STPG2: variants seen among roughly 807,000 people sequenced by gnomAD.
STPG2 encodes sperm-tail PG-rich repeat-containing protein 2.
Under a neutral mutation model 54.2 loss-of-function variants are expected in STPG2, and 56 were observed. The observed-to-expected ratio is 1.03, with a 90% CI of 0.83 to 1.29. STPG2 has a LOEUF of 1.29. Among genes scored for constraint, STPG2 ranks in the 50% most tolerant of loss-of-function variants. The probability of loss-of-function intolerance (pLI) is 0.00; values close to 1 mark genes in which losing one functional copy is unlikely to be tolerated. For synonymous variants in STPG2, 200 were observed against 181.8 expected, an observed-to-expected ratio of 1.10 and a Z score of -0.81; for missense variants, 596 against 544.9, an observed-to-expected ratio of 1.09 and a Z score of -0.93.
At chr4:97,574,100 A>C (rs1732663163) in intron 10 of STPG2, among the ~76,000 whole-genome samples, 1 of 152,134 alleles carries the variant, frequency 6.6e-6, no homozygotes, top group South Asian at 2.1e-4. Context: ...GATAGTTTTG[A>C]GGGGACTTTA....
chr4:97,759,710 A>C (rs1213620337), intron 9 of STPG2, among the ~76,000 whole-genome samples: 1 of 152,182 alleles, frequency 6.6e-6, no homozygotes, highest in Non-Finnish European at 1.5e-5. Flanking sequence ...AAAATATTTA[A>C]GGTGGCCAGC....
At chr4:97,585,589 T>C (rs1732977032) in intron 10 of STPG2, among the ~76,000 whole-genome samples, 1 of 151,968 alleles carries the variant, frequency 6.6e-6, no homozygotes, top group Admixed American at 6.6e-5. Flanking sequence ...TTTCTAGATC[T>C]TTCAGACAGC....
chr4:97,453,802 C>A (rs560969056), intron 4 of STPG2, among the ~76,000 whole-genome samples: 1 of 152,230 alleles, frequency 6.6e-6, no homozygotes, highest in South Asian at 2.1e-4. Context: ...CCTGGCACCA[C>A]GCTCAGCACA....
intron 8 of STPG2, among the ~76,000 whole-genome samples, chr4:97,850,928 T>C (rs1038584478): frequency 1.2e-4 from 18 of 152,186 alleles, no homozygotes; most frequent in Non-Finnish European, 1.8e-4. Context: ...TTTGAGGTCA[T>C]TACAACTGTA....
chr4:97,776,377 G>A (rs915923945), intron 9 of STPG2, among the ~76,000 whole-genome samples: 5 of 152,170 alleles, frequency 3.3e-5, no homozygotes, highest in Admixed American at 3.3e-4. Flanking sequence ...AATTCTGGAA[G>A]TCTGGTTCCA....
At chr4:98,016,367 C>A (rs1735946224) in intron 5 of STPG2, among the ~76,000 whole-genome samples, 1 of 152,110 alleles carries the variant, frequency 6.6e-6, no homozygotes, top group Admixed American at 6.6e-5. Flanking sequence ...CTGTCCCATT[C>A]TTTTTCTATG....
At position 97,666,848 on chromosome 4, in the gene STPG2, C is replaced by A. The variant is rs370730617; in HGVS notation, c.1320+45851G>T. 2.6e-4 allele frequency among the ~76,000 whole-genome samples: 40 copies of A among 152,240 alleles called. No individual in the cohort carries two copies. The South Asian group carries it at 8.1e-3, about 31-fold the overall frequency. On this transcript the variant is annotated intron_variant, in intron 10 of 10. Transcript: ENST00000295268. Reference sequence around the variant, plus strand: ...ACTCAAGACTATTTGATTCCAAAGACCTGAACTATGTCAGCTCATTTCATC... The same window carrying A: ...ACTCAAGACTATTTGATTCCAAAGAACTGAACTATGTCAGCTCATTTCATC...
chr4:97,572,248 A>C (rs566134404), intron 10 of STPG2, among the ~76,000 whole-genome samples: 21 of 152,310 alleles, frequency 1.4e-4, no homozygotes, highest in Admixed American at 1.1e-3. Context: ...GTATCATGTA[A>C]GAAATACCTG....
chr4:97,736,704 G>A (rs1034546994), intron 9 of STPG2, among the ~76,000 whole-genome samples: 7 of 152,208 alleles, frequency 4.6e-5, no homozygotes, highest in South Asian at 2.1e-4. Flanking sequence ...CAAAGGAGCC[G>A]GGAAGCTCGA....
At chr4:98,017,468 T>A (rs1270844627) in intron 5 of STPG2, among the ~76,000 whole-genome samples, 2 of 152,170 alleles carry the variant, frequency 1.3e-5, no homozygotes, top group African/African-American at 2.4e-5. Context: ...AGGTCCTTAC[T>A]TCATCTTCCT....
chr4:97,602,338 G>A (rs1733484248), intron 10 of STPG2, among the ~76,000 whole-genome samples: 1 of 151,626 alleles, frequency 6.6e-6, no homozygotes, highest in Non-Finnish European at 1.5e-5. Context: ...GACAGTTTTT[G>A]TTCTTTAAAA....
chr4:97,703,113 G>A (rs79247629), intron 10 of STPG2, among the ~76,000 whole-genome samples: 2,626 of 152,078 alleles, frequency 0.017, 69 homozygotes, highest in African/African-American at 0.059. Flanking sequence ...GGTATAGACT[G>A]ACTAGACTCC....
intron 10 of STPG2, among the ~76,000 whole-genome samples, chr4:97,697,595 C>A (rs558005734): frequency 5.2e-4 from 79 of 152,108 alleles, no homozygotes; most frequent in African/African-American, 1.8e-3. Flanking sequence ...TATTGTCTTG[C>A]AAAAACAAAA....
At chr4:98,125,379 A>ATGT (rs139387254) in intron 3 of STPG2, among the ~76,000 whole-genome samples, 1 of 151,434 alleles carries the variant, frequency 6.6e-6, no homozygotes, top group African/African-American at 2.4e-5. Context: ...TTTTTTGTTG[A>ATGT]TGTTGTTGTT....
At chr4:97,553,894 A>G (rs980914979), downstream of STPG2, among the ~76,000 whole-genome samples, 10 of 152,186 alleles carry the variant, frequency 6.6e-5, no homozygotes, top group East Asian at 1.2e-3. Context: ...GTATTGGCTC[A>G]ATCTCATTAT....
At position 97,664,283 on chromosome 4, in the gene STPG2, GGCAGCA is replaced by G. The variant is rs1411865042; in HGVS notation, c.1320+48410_1320+48415del. Among the ~76,000 whole-genome samples the G allele has an allele frequency of 9.2e-5, 14 of 152,250 alleles. No individual in the cohort carries two copies. In the East Asian group the frequency reaches 2.3e-3, roughly 25 times the overall value. On this transcript the variant is annotated intron_variant, in intron 10 of 10. Transcript: ENST00000295268. ...GCTTAAACTCACTGACATCAGCAGT[GGCAGCA>G]ATACAATTTAAGATTGATTCTGTCT...
intron 8 of STPG2, among the ~76,000 whole-genome samples, chr4:97,866,817 A>G (rs1729804394): frequency 6.6e-6 from 1 of 151,898 alleles, no homozygotes; most frequent in Non-Finnish European, 1.5e-5. Context: ...TTTGGAACTG[A>G]GTTATGTGAA....
intron 9 of STPG2, among the ~76,000 whole-genome samples, chr4:97,792,202 C>A (rs1727014980): frequency 6.6e-6 from 1 of 152,118 alleles, no homozygotes; most frequent in Admixed American, 6.6e-5. Flanking sequence ...GTTTAAAAAG[C>A]TATAGTATAT....
intron 9 of STPG2, among the ~76,000 whole-genome samples, chr4:97,758,608 A>C (rs1375195500): frequency 6.6e-6 from 1 of 152,058 alleles, no homozygotes; most frequent in Non-Finnish European, 1.5e-5. Context: ...AATATCACAC[A>C]TCAGGGCCTG....
Sources: gnomAD v4.1 joint callset for allele counts (sites outside exome capture counted in the v4.1 genomes callset) on GRCh38, gnomAD v4.1.1 for gene constraint, MANE v1.5 for transcripts, NCBI Gene and HGNC (gene_info 2026-07-23, HGNC 2026-07-21) for gene names.